Variants in PCDH9 observed in about 807,000 individuals in gnomAD.
PCDH9 encodes the protein protocadherin-9.
In PCDH9, 24 loss-of-function variants were observed where a neutral mutation model predicts 70.6. The observed-to-expected ratio is 0.34, with a 90% CI of 0.25 to 0.48. The LOEUF is 0.48. PCDH9 is among the 20% of genes least tolerant of loss of function. PCDH9 has a pLI of 0.99. For missense variants in PCDH9, 1,281 were observed against 1,503.6 expected, an observed-to-expected ratio of 0.85 and a Z score of 2.45; for synonymous variants, 562 against 558.5, an observed-to-expected ratio of 1.01 and a Z score of -0.09.
chr13:66,832,486 A>G (rs1001017359), intron 3 of PCDH9, among the ~76,000 whole-genome samples: 49 of 152,230 alleles, frequency 3.2e-4, no homozygotes, highest in African/African-American at 1.2e-3. Flanking sequence ...AAATATGAAT[A>G]TTTTATAGAA....
Position 66,338,901 on chromosome 13 carries a change from A to G in PCDH9, c.3341-33873T>C, listed in dbSNP as rs118145412. Among the ~76,000 whole-genome samples the G allele has an allele frequency of 5.1e-3, 775 of 152,096 alleles. 23 individuals are homozygous for G. The East Asian group carries it at 0.077, about 15-fold the overall frequency. The stretch of plus-strand genomic sequence containing the variant: ...AGAAGAGAAAAAAAAAGAAGTAAAG[A>G]AGCAGCAATAAACAATTCCACAAAA... On this transcript the variant is annotated intron_variant, in intron 4 of 4. Coordinates refer to ENST00000377865, the MANE Select transcript of PCDH9 (RefSeq NM_203487.3).
rs2089890586 is a variant in PCDH9, at chr13:67,226,933, T to C, written c.1508A>G (p.Asp503Gly). ...ATDEDSGKNA[D>G]IVYQLGPNAS... ...ATTCGGTCCAAGCTGATAAACAATG[T>C]CTGCATTTTTCCCACTGTCTTCATC... is the stretch of plus-strand genomic sequence containing the variant. Residue 503 changes from aspartate to glycine, a missense_variant, in exon 2 of 5, where the codon GAC (aspartate) becomes GGC (glycine). Transcript: ENST00000377865. The surrounding 1 kb of genome is among the most constrained non-coding windows in gnomAD (Gnocchi z 5.0). 6.2e-7 allele frequency: 1 copy of C among 1,614,074 alleles called. No individual in the cohort carries two copies. Among genetic ancestry groups the C allele is most frequent in the Non-Finnish European group, 8.5e-7 (1 of 1,180,018 alleles).
intron 2 of PCDH9, chr13:66,914,441 A>G (rs771623664): frequency 6.6e-6 from 1 of 151,882 alleles, no homozygotes; most frequent in African/African-American, 2.4e-5. Context: ...GAATACGAAC[A>G]CTTCTCTGAT....
intron 3 of PCDH9, among the ~76,000 whole-genome samples, chr13:66,835,738 T>A (rs2081007091): frequency 6.6e-6 from 1 of 152,182 alleles, no homozygotes; most frequent in East Asian, 1.9e-4. Context: ...TTCTTTGGCA[T>A]GAAAAGTATT....
At chr13:66,640,924 G>A (rs7995784) in intron 3 of PCDH9, among the ~76,000 whole-genome samples, 2,178 of 151,938 alleles carry the variant, frequency 0.014, 63 homozygotes, top group African/African-American at 0.05. Context: ...CTCCCAGGCT[G>A]GAGTGTAATG....
At chr13:67,113,293 C>CA (rs909613552) in intron 2 of PCDH9, among the ~76,000 whole-genome samples, 23 of 152,042 alleles carry the variant, frequency 1.5e-4, no homozygotes, top group Admixed American at 2.6e-4. Context: ...ACAAAACCCA[C>CA]AAAAAATATT....
chr13:67,113,065 T>A (rs1048724253), intron 2 of PCDH9, among the ~76,000 whole-genome samples: 5 of 152,174 alleles, frequency 3.3e-5, no homozygotes, highest in Admixed American at 1.3e-4. Flanking sequence ...CAGTATAATA[T>A]TTGACTTTTC....
chr13:66,489,256 G>A (rs1414167491), intron 4 of PCDH9, among the ~76,000 whole-genome samples: 1 of 152,086 alleles, frequency 6.6e-6, no homozygotes, highest in Non-Finnish European at 1.5e-5. Flanking sequence ...ATTATAATCT[G>A]TCTACTCAAC....
chr13:66,420,771 C>T (rs909478945), intron 4 of PCDH9, among the ~76,000 whole-genome samples: 5 of 152,062 alleles, frequency 3.3e-5, no homozygotes, highest in African/African-American at 1.2e-4. Flanking sequence ...CAGAATACCT[C>T]CTCTCCTCCA....
rs143510181 is a variant in PCDH9, at chr13:66,728,963, G to A, written c.3139-97552C>T. 2.7e-3 allele frequency among the ~76,000 whole-genome samples: 407 copies of A among 151,566 alleles called. 1 individual carries two copies. Among genetic ancestry groups the A allele is most frequent in the African/African-American group, 9.3e-3 (383 of 41,344 alleles). On this transcript the variant is annotated intron_variant, in intron 3 of 4. Coordinates refer to ENST00000377865, the MANE Select transcript of PCDH9 (RefSeq NM_203487.3). ...CTGTCCATGGTGTTTTTTTCTTCTT[G>A]TAATAATCACTTAATTTTCATAAAT...
At chr13:66,517,047 T>C (rs1246350958) in intron 4 of PCDH9, among the ~76,000 whole-genome samples, 2 of 152,044 alleles carry the variant, frequency 1.3e-5, no homozygotes, top group Admixed American at 6.6e-5. Context: ...CCAGAGACCC[T>C]AGGAAGCCAG....
chr13:66,955,331 T>C (rs1594309036), intron 2 of PCDH9, among the ~76,000 whole-genome samples: 1 of 152,158 alleles, frequency 6.6e-6, no homozygotes, highest in East Asian at 1.9e-4. Context: ...TATGAGAGCA[T>C]AAAGGAAGAA....
intron 2 of PCDH9, among the ~76,000 whole-genome samples, chr13:67,185,793 C>T (rs1323237896): frequency 6.6e-6 from 1 of 152,180 alleles, no homozygotes; most frequent in Non-Finnish European, 1.5e-5. Context: ...AGTGCAATGG[C>T]ACAATCTCAG....
intron 4 of PCDH9, among the ~76,000 whole-genome samples, chr13:66,383,659 T>A (rs888607066): frequency 2.6e-5 from 4 of 152,178 alleles, no homozygotes; most frequent in African/African-American, 9.6e-5. Flanking sequence ...TCTTTCCACT[T>A]TCTGGGAATT....
At chr13:66,617,937 G>A (rs2077377695) in intron 4 of PCDH9, among the ~76,000 whole-genome samples, 1 of 152,140 alleles carries the variant, frequency 6.6e-6, no homozygotes, top group South Asian at 2.1e-4. Flanking sequence ...CTTCTTTAGA[G>A]GGAGGAAGGA....
At chr13:67,169,558 A>G (rs2088218601) in intron 2 of PCDH9, among the ~76,000 whole-genome samples, 1 of 152,178 alleles carries the variant, frequency 6.6e-6, no homozygotes, top group South Asian at 2.1e-4. Flanking sequence ...TGTTATTGAA[A>G]TGTTCCACAA....
chr13:66,839,572 ATATTTTAACAAGCTT>A (rs2081081548), intron 3 of PCDH9, among the ~76,000 whole-genome samples: 2 of 152,324 alleles, frequency 1.3e-5, no homozygotes, highest in Admixed American at 6.5e-5. Flanking sequence ...TCTTACCTGC[ATATTTTAACAAGCTT>A]TATCTTCATC....
chr13:66,493,180 C>T (rs1158540013), intron 4 of PCDH9, among the ~76,000 whole-genome samples: 1 of 152,080 alleles, frequency 6.6e-6, no homozygotes. Flanking sequence ...TTTTTGCAGA[C>T]TTGAAGTAAA....
At chr13:66,470,400 T>G (rs1371631156) in intron 4 of PCDH9, among the ~76,000 whole-genome samples, 1 of 152,158 alleles carries the variant, frequency 6.6e-6, no homozygotes, top group African/African-American at 2.4e-5. Context: ...TGTAGGTACT[T>G]TTGTAAGATG....
Sources: allele counts gnomAD v4.1 joint callset (sites outside exome capture counted in the v4.1 genomes callset), GRCh38; gene constraint gnomAD v4.1.1; non-coding constraint Gnocchi (gnomAD v3.1); transcripts MANE v1.5; gene names NCBI Gene and HGNC (gene_info 2026-07-23, HGNC 2026-07-21).